AFG3L2: variants seen among roughly 807,000 people sequenced by gnomAD.
AFG3L2 encodes mitochondrial inner membrane m-AAA protease component AFG3L2.
A neutral mutation model predicts 94.5 loss-of-function variants in AFG3L2; 54 were observed. The ratio of observed to expected loss-of-function variants is 0.57; its 90% CI spans 0.46 to 0.72. AFG3L2 has a LOEUF of 0.72. Among genes scored for constraint, AFG3L2 ranks in the 30% least tolerant of loss-of-function variants. The pLI, the probability that AFG3L2 is intolerant of heterozygous loss-of-function variation, is 0.00. For synonymous variants in AFG3L2, 377 were observed against 365.5 expected (o/e 1.03, Z -0.36); for missense variants, 754 against 994.9 (o/e 0.76, Z 3.26).
rs1273242789 is a variant in AFG3L2 at position 12,359,834 on chromosome 18, G to A, written c.752+93C>T. ...GCCAAACTGATAAAGGCCTGTTTGAGAATATAATGTATAGCCCTGCACCCA... is the reference window on the plus strand; with the variant it reads ...GCCAAACTGATAAAGGCCTGTTTGAAAATATAATGTATAGCCCTGCACCCA... On this transcript the variant is annotated intron_variant, in intron 7 of 16. Transcript: ENST00000269143. 6 of 1,525,960 alleles carry A rather than the reference G, an allele frequency of 3.9e-6. No individual in the cohort carries two copies. In the Admixed American group the frequency reaches 6.8e-5, roughly 17 times the overall value. The allele number at this position is 1,525,960 out of a possible 1,614,324, so 94.5% of individuals were successfully genotyped here. A position where few individuals can be genotyped will look rare whatever the true frequency, so the allele number is the denominator to read the frequency against.
chr18:12,360,566 C>T (rs1455105336), intron 6 of AFG3L2, among the ~76,000 whole-genome samples: 13 of 152,242 alleles, frequency 8.5e-5, no homozygotes, highest in East Asian at 7.7e-4. Flanking sequence ...GTTCAAAATC[C>T]GAGCACCGCA....
intron 1 of AFG3L2, among the ~76,000 whole-genome samples, chr18:12,375,055 CAA>C (rs201750735): frequency 0.37 from 37,575 of 100,410 alleles, 5,506 homozygotes; most frequent in African/African-American, 0.48. Flanking sequence ...GACCCTGTCT[CAA>C]AAAAAAAAAA....
chr18:12,339,933 T>G (rs1907892090), intron 15 of AFG3L2, among the ~76,000 whole-genome samples: 1 of 150,944 alleles, frequency 6.6e-6, no homozygotes, highest in Non-Finnish European at 1.5e-5. Context: ...GGCAGGACAA[T>G]CACTTGAACC....
intron 10 of AFG3L2, 136 bp from the exon 11 acceptor site, chr18:12,351,549 GTTT>G (rs34791958): frequency 6.0e-5 from 37 of 615,210 alleles, no homozygotes; most frequent in Non-Finnish European, 7.5e-5. Context: ...AGTGTTTTTT[GTTT>G]TTTTTTTTTT....
intron 12 of AFG3L2, among the ~76,000 whole-genome samples, chr18:12,348,878 CTAACT>C (rs908334619): frequency 3.3e-5 from 5 of 152,194 alleles, no homozygotes; most frequent in Non-Finnish European, 5.9e-5. Flanking sequence ...TCTCTTTAAA[CTAACT>C]TTTCAGTTAA....
chr18:12,337,173 C>T (rs1290364388), intron 16 of AFG3L2, 168 bp downstream of exon 16: 2 of 684,622 alleles, frequency 2.9e-6, no homozygotes, highest in Non-Finnish European at 5.3e-6. Flanking sequence ...CACATTGCAA[C>T]CCCCGCTTGA....
At chr18:12,329,961 A>G (rs1907465471) in intron 16 of AFG3L2, 178 bp from the exon 17 acceptor site, 2 of 625,492 alleles carry the variant, frequency 3.2e-6, no homozygotes, top group Middle Eastern at 4.3e-4. Context: ...CAAAGCAACC[A>G]ATGTCCATCT....
At position 12,374,635 on chromosome 18, in the gene AFG3L2, G is replaced by A. The variant is rs139035019; in HGVS notation, c.114+2334C>T. 4.0e-3 allele frequency among the ~76,000 whole-genome samples: 603 copies of A among 152,306 alleles called. 1 individual carries two copies. Among genetic ancestry groups the A allele is most frequent in the African/African-American group, 0.013 (530 of 41,560 alleles). ...GACTTCCTTATACATCAGCATCTGA[G>A]TGATACAGGGACAATAGTGTCACTC... On this transcript the variant is annotated intron_variant, in intron 1 of 16. Coordinates refer to ENST00000269143, the MANE Select transcript of AFG3L2 (RefSeq NM_006796.3).
At chr18:12,332,434 T>C (rs1240587555) in intron 16 of AFG3L2, among the ~76,000 whole-genome samples, 1 of 152,146 alleles carries the variant, frequency 6.6e-6, no homozygotes, top group Non-Finnish European at 1.5e-5. Flanking sequence ...TACTCTGAAA[T>C]TTAATCTATT....
intron 16 of AFG3L2, among the ~76,000 whole-genome samples, chr18:12,333,053 AT>A (rs1907612505): frequency 1.1e-5 from 1 of 93,782 alleles, no homozygotes; most frequent in African/African-American, 4.5e-5. Context: ...CTATTATATA[AT>A]AGATTATAAT....
chr18:12,344,089 C>T (rs1355143114), intron 14 of AFG3L2, 43 bp downstream of exon 14: 5 of 1,522,852 alleles, frequency 3.3e-6, no homozygotes, highest in Non-Finnish European at 4.5e-6. Context: ...CGAGCATCTG[C>T]TCACCCATGC....
chr18:12,330,740 T>C (rs12457765), intron 16 of AFG3L2, among the ~76,000 whole-genome samples: 15,104 of 150,956 alleles, frequency 0.1, 912 homozygotes, highest in East Asian at 0.21. Context: ...ATCGCGCCAT[T>C]GCACTCCAGC....
intron 16 of AFG3L2, 132 bp downstream of exon 16, chr18:12,337,209 G>T: frequency 1.2e-6 from 1 of 820,030 alleles, no homozygotes. Context: ...CGAAACATCA[G>T]AACGAACGGA....
intron 16 of AFG3L2, among the ~76,000 whole-genome samples, chr18:12,333,297 T>A (rs1336791948): frequency 1.7e-4 from 22 of 130,526 alleles, no homozygotes; most frequent in African/African-American, 5.5e-4. Flanking sequence ...AATATATAAA[T>A]ATATATTATA....
intron 1 of AFG3L2, 150 bp downstream of exon 1, chr18:12,376,819 T>C: frequency 1.9e-6 from 1 of 524,076 alleles, no homozygotes; most frequent in Non-Finnish European, 3.0e-6. Flanking sequence ...CGGGGCCGGC[T>C]GAGAGACAGC....
intron 1 of AFG3L2, among the ~76,000 whole-genome samples, chr18:12,376,163 A>C (rs1441335394): frequency 6.6e-6 from 1 of 152,136 alleles, no homozygotes; most frequent in Non-Finnish European, 1.5e-5. Context: ...AGCTGACTAC[A>C]AGGGCGCTGG....
intron 15 of AFG3L2, among the ~76,000 whole-genome samples, chr18:12,339,053 A>G (rs1031316208): frequency 5.9e-5 from 9 of 151,512 alleles, no homozygotes; most frequent in African/African-American, 1.7e-4. Flanking sequence ...AGGAGACAAG[A>G]CCATCCTGGC....
chr18:12,333,189 AAT>A lies in AFG3L2; in HGVS notation c.2176-3408_2176-3407del, dbSNP rs1187265247. On this transcript the variant is annotated intron_variant, in intron 16 of 16. Transcript: ENST00000269143. ...TATAATAATAGATAATATAATAAAT[AAT>A]ATATATAATAATCTAATATATAATC... Among the ~76,000 whole-genome samples, 19 of 117,970 alleles carry A rather than the reference AAT, an allele frequency of 1.6e-4. No homozygotes were observed. The East Asian group carries it at 1.7e-3, about 10-fold the overall frequency. 77.4% of individuals were successfully genotyped at this position (117,970 alleles called of 152,430 possible).
chr18:12,369,002 A>C (rs528978630), intron 3 of AFG3L2, among the ~76,000 whole-genome samples: 18 of 152,138 alleles, frequency 1.2e-4, no homozygotes, highest in African/African-American at 4.3e-4. Context: ...GCTATGTAAC[A>C]TGTGGCTTCA....
Sources: allele counts gnomAD v4.1 joint callset (sites outside exome capture counted in the v4.1 genomes callset), GRCh38; gene constraint gnomAD v4.1.1; transcripts MANE v1.5; gene names NCBI Gene and HGNC (gene_info 2026-07-23, HGNC 2026-07-21).